Variants in SLC35F1 observed in about 807,000 individuals in gnomAD.
The protein encoded by SLC35F1 is solute carrier family 35 member F1.
Under a neutral mutation model 48.7 loss-of-function variants are expected in SLC35F1, and 14 were observed. The ratio of observed to expected loss-of-function variants is 0.29; its 90% CI spans 0.19 to 0.45. SLC35F1 has a LOEUF of 0.45. Among genes scored for constraint, SLC35F1 ranks in the 20% least tolerant of loss-of-function variants. SLC35F1 has a pLI of 1.00. For missense variants in SLC35F1, 404 were observed against 500.0 expected, an observed-to-expected ratio of 0.81 and a Z score of 1.83; for synonymous variants, 190 against 202.2, an observed-to-expected ratio of 0.94 and a Z score of 0.51.
chr6:118,058,228 A>C (rs1209197519), intron 1 of SLC35F1, among the ~76,000 whole-genome samples: 1 of 152,182 alleles, frequency 6.6e-6, no homozygotes, highest in African/African-American at 2.4e-5. Context: ...CGACTATGGT[A>C]AAAATATCTA....
At chr6:117,910,075 A>G (rs1329683606) in intron 1 of SLC35F1, among the ~76,000 whole-genome samples, 3 of 152,248 alleles carry the variant, frequency 2.0e-5, no homozygotes, top group African/African-American at 7.2e-5. Context: ...TTGTTTCAAG[A>G]AAGAACATTT....
At chr6:118,096,943 T>C (rs2114356513) in intron 1 of SLC35F1, among the ~76,000 whole-genome samples, 1 of 152,298 alleles carries the variant, frequency 6.6e-6, no homozygotes, top group South Asian at 2.1e-4. Context: ...GTTCCATCTC[T>C]TTAGTATTTG....
At chr6:118,210,816 G>A (rs190792476) in intron 2 of SLC35F1, among the ~76,000 whole-genome samples, 11 of 152,274 alleles carry the variant, frequency 7.2e-5, no homozygotes, top group Middle Eastern at 3.4e-3. Context: ...CTGGGTCAGC[G>A]TGGAGCCATA....
intron 5 of SLC35F1, among the ~76,000 whole-genome samples, chr6:118,276,597 A>T (rs962298868): frequency 4.6e-5 from 7 of 152,190 alleles, no homozygotes; most frequent in African/African-American, 1.4e-4. Flanking sequence ...TTTGAAAGTG[A>T]TGGCATTTTA....
At chr6:118,264,908 T>C (rs1775753086) in intron 3 of SLC35F1, among the ~76,000 whole-genome samples, 1 of 152,238 alleles carries the variant, frequency 6.6e-6, no homozygotes, top group African/African-American at 2.4e-5. Flanking sequence ...GCTAATTAAC[T>C]GCAGTGAGCA....
At position 118,077,446 on chromosome 6, in the gene SLC35F1, C is replaced by T. The variant is rs117583431; in HGVS notation, c.174-76999C>T. 2.3e-3 allele frequency among the ~76,000 whole-genome samples: 351 copies of T among 152,232 alleles called. 10 individuals are homozygous for T. The highest frequency in any genetic ancestry group is 7.1e-4 in the Non-Finnish European group (48 of 68,016). On this transcript the variant is annotated intron_variant, in intron 1 of 7. Transcript: ENST00000360388. ...GAGACAGGGAAATACCCTTTGAGAA[C>T]CTAAGTTGAAAGTTTGTAAGTTCAT...
intron 1 of SLC35F1, among the ~76,000 whole-genome samples, chr6:118,002,037 G>T (rs1215357212): frequency 6.8e-6 from 1 of 147,308 alleles, no homozygotes; most frequent in Non-Finnish European, 1.5e-5. Flanking sequence ...GTGGAAGTCA[G>T]TGTGGCGATT....
At chr6:117,921,163 T>A (rs1169104092) in intron 1 of SLC35F1, among the ~76,000 whole-genome samples, 1 of 152,046 alleles carries the variant, frequency 6.6e-6, no homozygotes, top group Non-Finnish European at 1.5e-5. Context: ...TTTTACTATG[T>A]TTTTTGGGAG....
intron 1 of SLC35F1, among the ~76,000 whole-genome samples, chr6:118,087,698 A>G (rs1382666831): frequency 6.6e-6 from 1 of 152,130 alleles, no homozygotes; most frequent in Non-Finnish European, 1.5e-5. Flanking sequence ...ACTTCTATCA[A>G]AATCCTACTC....
At chr6:118,309,999 A>G (rs1425441860) in intron 7 of SLC35F1, among the ~76,000 whole-genome samples, 1 of 152,246 alleles carries the variant, frequency 6.6e-6, no homozygotes, top group Non-Finnish European at 1.5e-5. Context: ...TCATGAAGGT[A>G]GAAAAAGACA....
chr6:117,956,811 CA>C (rs1389204204), intron 1 of SLC35F1, among the ~76,000 whole-genome samples: 1 of 152,148 alleles, frequency 6.6e-6, no homozygotes, highest in Non-Finnish European at 1.5e-5. Context: ...GGCAAATATC[CA>C]GGAGGGCAGG....
intron 2 of SLC35F1, among the ~76,000 whole-genome samples, chr6:118,164,000 G>C (rs1774279539): frequency 6.6e-6 from 1 of 152,174 alleles, no homozygotes. Flanking sequence ...TTTTGTTTAA[G>C]ACTTAGAACT....
chr6:117,999,383 G>C, intron 1 of SLC35F1: 1 of 1,584,914 alleles, frequency 6.3e-7, no homozygotes, highest in Non-Finnish European at 8.6e-7. Context: ...CCAGGCTGCA[G>C]CTCCAGCTTC....
chr6:118,076,364 A>T (rs888833042), intron 1 of SLC35F1, among the ~76,000 whole-genome samples: 4 of 152,206 alleles, frequency 2.6e-5, no homozygotes, highest in East Asian at 1.9e-4. Flanking sequence ...TCACATTGCT[A>T]TGAAGAGCTA....
chr6:118,216,632 G>A (rs1470557389), intron 2 of SLC35F1, among the ~76,000 whole-genome samples: 5 of 151,886 alleles, frequency 3.3e-5, no homozygotes, highest in Non-Finnish European at 7.4e-5. Flanking sequence ...TATAAGAATT[G>A]ACTATATTTA....
chr6:118,040,434 A>C (rs778194481), intron 1 of SLC35F1, among the ~76,000 whole-genome samples: 6 of 152,180 alleles, frequency 3.9e-5, no homozygotes, highest in Non-Finnish European at 7.3e-5. Context: ...GGAAAATTAC[A>C]CTGCTATGGT....
chr6:117,911,371 C>T (rs1421220159), intron 1 of SLC35F1, among the ~76,000 whole-genome samples: 2 of 150,822 alleles, frequency 1.3e-5, no homozygotes, highest in African/African-American at 4.9e-5. Context: ...GCAAAGTCTT[C>T]TTCACATTTC....
At chr6:117,985,364 A>G (rs1776835315) in intron 1 of SLC35F1, among the ~76,000 whole-genome samples, 1 of 152,208 alleles carries the variant, frequency 6.6e-6, no homozygotes, top group Admixed American at 6.5e-5. Flanking sequence ...TAATGGTGAT[A>G]CTCAGCTAAA....
intron 1 of SLC35F1, among the ~76,000 whole-genome samples, chr6:118,049,118 A>T (rs1455056401): frequency 3.3e-5 from 5 of 152,184 alleles, no homozygotes; most frequent in African/African-American, 1.2e-4. Flanking sequence ...TGGGGAAAGG[A>T]TTCCCTATTT....
Sources: allele counts gnomAD v4.1 joint callset (sites outside exome capture counted in the v4.1 genomes callset), GRCh38; gene constraint gnomAD v4.1.1; transcripts MANE v1.5; gene names NCBI Gene and HGNC (gene_info 2026-07-23, HGNC 2026-07-21).